The following PDE8B variants were observed in gnomAD, a reference collection of about 807,000 sequenced individuals.
The protein encoded by PDE8B is phosphodiesterase 8B.
Under a neutral mutation model 101.3 loss-of-function variants are expected in PDE8B, and 26 were observed. That is an observed-to-expected ratio of 0.26 (90% CI 0.19 to 0.36). The LOEUF is 0.36. Ranked by LOEUF, PDE8B falls within the 10% of genes least tolerant of loss-of-function variation. The pLI is 1.00. For missense variants in PDE8B, 810 were observed against 1,163.1 expected, an observed-to-expected ratio of 0.70 and a Z score of 4.42; for synonymous variants, 424 against 429.3, an observed-to-expected ratio of 0.99 and a Z score of 0.15.
chr5:77,288,016 G>T (rs1006724833), intron 1 of PDE8B, among the ~76,000 whole-genome samples: 6 of 152,082 alleles, frequency 3.9e-5, no homozygotes, highest in Non-Finnish European at 5.9e-5. Context: ...TAAATTTAGA[G>T]ATAATTTGAT....
At chr5:77,347,768 T>C (rs1780399129) in intron 7 of PDE8B, among the ~76,000 whole-genome samples, 3 of 151,888 alleles carry the variant, frequency 2.0e-5, no homozygotes, top group Admixed American at 2.0e-4. Flanking sequence ...GAGGGATAAA[T>C]TGGAGTTGGA....
chr5:77,290,020 AT>A (rs1318412357), intron 1 of PDE8B, among the ~76,000 whole-genome samples: 1 of 152,182 alleles, frequency 6.6e-6, no homozygotes, highest in Non-Finnish European at 1.5e-5. Flanking sequence ...TGAATGAGAG[AT>A]TATCATCATA....
At chr5:77,262,202 A>AG (rs1760753900) in intron 1 of PDE8B, among the ~76,000 whole-genome samples, 1 of 151,836 alleles carries the variant, frequency 6.6e-6, no homozygotes. Context: ...TAAAAAAAAA[A>AG]CAGGGCAAAA....
chr5:77,184,415 T>G, the PDE8B span, among the ~76,000 whole-genome samples: 11 of 152,224 alleles, frequency 7.2e-5, no homozygotes, highest in Non-Finnish European at 1.5e-4. Context: ...GTCTATAAAC[T>G]ATGGATGGTA....
chr5:77,105,797 C>T, the PDE8B span: 5 of 152,172 alleles, frequency 3.3e-5, no homozygotes, highest in Admixed American at 6.5e-5. Flanking sequence ...TGCTCCACAT[C>T]CTTACTGACA....
At chr5:77,201,821 A>G in the PDE8B span, among the ~76,000 whole-genome samples, 1 of 152,170 alleles carries the variant, frequency 6.6e-6, no homozygotes, top group African/African-American at 2.4e-5. Flanking sequence ...GCCATAATAA[A>G]ATAGCACAGA....
the PDE8B span, among the ~76,000 whole-genome samples, chr5:77,150,233 A>C: frequency 6.6e-6 from 1 of 151,966 alleles, no homozygotes; most frequent in Non-Finnish European, 1.5e-5. Context: ...TCAAGGTAAT[A>C]CTCCTTAGTT....
chr5:77,253,666 G>T (rs538154880), intron 1 of PDE8B, among the ~76,000 whole-genome samples: 2 of 152,220 alleles, frequency 1.3e-5, no homozygotes, highest in African/African-American at 4.8e-5. Flanking sequence ...TTAGATTAAT[G>T]GGACGAAAGT....
In PDE8B at chr5:77,344,420, T is replaced by C. The variant is rs1545775; in HGVS notation, c.798-433T>C. Reference sequence around the variant, plus strand: ...ATGAGTTGCATTACTGTATCTTAAATTGAGTAATTTATAAGCAACAGAAAT... The same window carrying C: ...ATGAGTTGCATTACTGTATCTTAAACTGAGTAATTTATAAGCAACAGAAAT... On this transcript the variant is annotated intron_variant, in intron 6 of 21. Coordinates refer to ENST00000264917, the MANE Select transcript of PDE8B (RefSeq NM_003719.5). Among the ~76,000 whole-genome samples the C allele has an allele frequency of 8.6e-4, 131 of 152,192 alleles. 1 individual carries two copies. Among genetic ancestry groups the C allele is most frequent in the Non-Finnish European group, 1.6e-3 (108 of 68,000 alleles).
chr5:77,197,310 T>C, the PDE8B span, among the ~76,000 whole-genome samples: 1 of 151,358 alleles, frequency 6.6e-6, no homozygotes, highest in African/African-American at 2.4e-5. Flanking sequence ...AGAGTCGGGG[T>C]TTCACCATGT....
Position 77,210,907 on chromosome 5 carries a change from G to T in PDE8B, c.-19G>T, listed in dbSNP as rs754321620. 8 of 1,320,256 alleles carry T rather than the reference G, an allele frequency of 6.1e-6. No homozygotes were observed. Among genetic ancestry groups the T allele is most frequent in the Middle Eastern group, 5.4e-4 (2 of 3,704 alleles). The allele number at this position is 1,320,256 out of a possible 1,614,324, so 81.8% of individuals were successfully genotyped here. On this transcript the variant is annotated 5_prime_UTR_variant, in exon 1 of 22. Coordinates refer to ENST00000264917, the MANE Select transcript of PDE8B (RefSeq NM_003719.5). This position sits in a 1 kb window ranked among gnomAD's most constrained non-coding sequence, Gnocchi z 4.9. ...CGGCCGCGGGCGCGGGCGGGCGCGC[G>T]GGGGAGCCCGGCCGAGGGATGGGCT...
intron 1 of PDE8B, among the ~76,000 whole-genome samples, chr5:77,246,347 A>G (rs898219302): frequency 6.6e-6 from 1 of 151,804 alleles, no homozygotes; most frequent in Admixed American, 6.6e-5. Flanking sequence ...GTTCGTGGGG[A>G]CTCCTCCGCC....
chr5:77,400,370 T>C (rs781340355), intron 11 of PDE8B, 80 bp downstream of exon 11: 61 of 920,286 alleles, frequency 6.6e-5, no homozygotes, highest in Non-Finnish European at 1.1e-4. Flanking sequence ...TGAAGAAGTC[T>C]AAGTTGACAT....
At chr5:77,188,822 A>G in the PDE8B span, among the ~76,000 whole-genome samples, 172 of 152,308 alleles carry the variant, frequency 1.1e-3, 1 homozygote, top group Middle Eastern at 0.02. Context: ...GGTGACCTGA[A>G]GGCTTAGAGA....
the PDE8B span, among the ~76,000 whole-genome samples, chr5:77,142,960 A>G: frequency 3.9e-5 from 6 of 152,260 alleles, no homozygotes; most frequent in Non-Finnish European, 8.8e-5. Flanking sequence ...TTTGGATCAT[A>G]AGAGAGAGGA....
rs796951209 is a variant in PDE8B, at chr5:77,266,866, G to GTT, written c.340-45118_340-45117dup. 5.6e-3 allele frequency among the ~76,000 whole-genome samples: 814 copies of GTT among 144,890 alleles called. 6 individuals carry two copies. The highest frequency in any genetic ancestry group is 0.02 in the African/African-American group (787 of 39,810). ...ATGGGGCTTATTATTTCTTGAATCT[G>GTT]TTTTTTTTTTTCTGGAGAATTTCAT... On this transcript the variant is annotated intron_variant, in intron 1 of 21. Coordinates refer to ENST00000264917, the MANE Select transcript of PDE8B (RefSeq NM_003719.5).
chr5:77,237,987 T>C (rs978845737), intron 1 of PDE8B, among the ~76,000 whole-genome samples: 1 of 152,182 alleles, frequency 6.6e-6, no homozygotes, highest in East Asian at 1.9e-4. Flanking sequence ...CCCCTGTAAA[T>C]AGTGTACCAT....
intron 1 of PDE8B, among the ~76,000 whole-genome samples, chr5:77,303,400 C>T (rs1281360914): frequency 6.6e-6 from 1 of 151,918 alleles, no homozygotes; most frequent in African/African-American, 2.4e-5. Context: ...ATTAGCAGGG[C>T]GTAGAGAATT....
chr5:77,340,865 C>A (rs960848005), intron 6 of PDE8B, among the ~76,000 whole-genome samples: 7 of 152,172 alleles, frequency 4.6e-5, no homozygotes, highest in African/African-American at 1.7e-4. Flanking sequence ...ATACCTGGAC[C>A]CCTGTAATAT....
Sources: allele counts gnomAD v4.1 joint callset (sites outside exome capture counted in the v4.1 genomes callset), GRCh38; gene constraint gnomAD v4.1.1; non-coding constraint Gnocchi (gnomAD v3.1); transcripts MANE v1.5; gene names NCBI Gene and HGNC (gene_info 2026-07-23, HGNC 2026-07-21).